The following RGS22 variants were observed in gnomAD, a reference collection of about 807,000 sequenced individuals.
RGS22 encodes the protein regulator of G protein signaling 22.
Under a neutral mutation model 172.9 loss-of-function variants are expected in RGS22, and 148 were observed. The ratio of observed to expected loss-of-function variants is 0.86; its 90% confidence interval spans 0.75 to 0.98. The LOEUF (loss-of-function observed/expected upper bound fraction) is 0.98. Ranked by LOEUF, RGS22 falls within the 50% of genes least tolerant of loss-of-function variation. RGS22 has a pLI of 0.00. For synonymous variants in RGS22, 458 were observed against 480.2 expected, an observed-to-expected ratio of 0.95 and a Z score of 0.60; for missense variants, 1,347 against 1,440.8, an observed-to-expected ratio of 0.93 and a Z score of 1.05.
chr8:99,985,957 C>T (rs1358680182), intron 21 of RGS22, among the ~76,000 whole-genome samples: 1 of 152,078 alleles, frequency 6.6e-6, no homozygotes, highest in African/African-American at 2.4e-5. Context: ...TACCTCCTTT[C>T]TAATCTCAAA....
At chr8:100,011,026 C>T (rs3101324) in intron 14 of RGS22, among the ~76,000 whole-genome samples, 3,438 of 151,480 alleles carry the variant, frequency 0.023, 109 homozygotes, top group East Asian at 0.1. Flanking sequence ...TGATGAAAGA[C>T]GGCCCAAGCA....
At chr8:100,045,337 A>G (rs1316640861) in intron 11 of RGS22, among the ~76,000 whole-genome samples, 1 of 152,142 alleles carries the variant, frequency 6.6e-6, no homozygotes, top group African/African-American at 2.4e-5. Context: ...AACACATACT[A>G]TGTGCCAGAT....
intron 8 of RGS22, among the ~76,000 whole-genome samples, chr8:100,063,045 T>C (rs1045434843): frequency 6.6e-6 from 1 of 151,974 alleles, no homozygotes; most frequent in African/African-American, 2.4e-5. Flanking sequence ...CTAGGGAGAG[T>C]AGGTGTCTAT....
chr8:100,073,362 G>A (rs1036269625), intron 4 of RGS22, among the ~76,000 whole-genome samples: 4 of 151,496 alleles, frequency 2.6e-5, no homozygotes, highest in Non-Finnish European at 5.9e-5. Flanking sequence ...GCTGATACGC[G>A]CAGAAGTCTT....
chr8:100,083,635 G>T (rs1027783012), intron 3 of RGS22, among the ~76,000 whole-genome samples: 1 of 151,796 alleles, frequency 6.6e-6, no homozygotes, highest in Non-Finnish European at 1.5e-5. Flanking sequence ...CAAAGTGCTG[G>T]GATTACAGGC....
chr8:100,057,615 G>A (rs1809750059), intron 9 of RGS22, among the ~76,000 whole-genome samples: 1 of 152,108 alleles, frequency 6.6e-6, no homozygotes, highest in South Asian at 2.1e-4. Flanking sequence ...GAGGTCCCCT[G>A]CACAAGCTGT....
intron 3 of RGS22, chr8:100,093,108 G>A (rs929695399): frequency 6.0e-6 from 1 of 165,624 alleles, no homozygotes; most frequent in Non-Finnish European, 1.3e-5. Context: ...GGGCTGCAGC[G>A]AGCCATGATC....
At chr8:100,069,761 A>C (rs1460337186) in intron 6 of RGS22, among the ~76,000 whole-genome samples, 1 of 152,166 alleles carries the variant, frequency 6.6e-6, no homozygotes, top group African/African-American at 2.4e-5. Flanking sequence ...TTGTCTCTTC[A>C]GACACGAGGA....
chr8:99,967,782 G>A (rs551857804), intron 23 of RGS22, among the ~76,000 whole-genome samples: 1 of 152,318 alleles, frequency 6.6e-6, no homozygotes, highest in South Asian at 2.1e-4. Flanking sequence ...AGCACCTGGG[G>A]GACGGGGTGG....
rs1374358341 is a variant in RGS22 at position 100,052,652 on chromosome 8, G to A, written c.1689+150C>T. 5.9e-5 allele frequency: 43 copies of A among 733,812 alleles called. No individual in the cohort carries two copies. The East Asian group carries it at 1.1e-3, about 19-fold the overall frequency. 45.5% of individuals were successfully genotyped at this position (733,812 alleles called of 1,614,324 possible). On this transcript the variant is annotated intron_variant, in intron 10 of 27. Transcript: ENST00000360863. Reference sequence around the variant, plus strand: ...TTGGCTGCTTGGTAGAGAACAGACTGTAGGTTTTCTTATTTCCTAAATGTT... The same window carrying A: ...TTGGCTGCTTGGTAGAGAACAGACTATAGGTTTTCTTATTTCCTAAATGTT...
intron 9 of RGS22, chr8:100,054,204 T>C (rs1822009159): frequency 6.6e-6 from 1 of 152,220 alleles, no homozygotes; most frequent in East Asian, 1.9e-4. Context: ...CTGCTGCTAA[T>C]TGCTTCTTGG....
In RGS22 at chr8:99,999,379, C is replaced by T; in HGVS notation, c.2832G>A (p.Glu944=). ...CAACTAGAACAGGTGCATCAAGCTG[C>T]TCATGAAGAATCTTCCCCCAGCCAC... ...LSGGWGKILH[E]QLDAPVLVEI... is the part of the protein sequence containing the mutation. The change falls in exon 19 of 28, where the codon GAG becomes GAA. Residue 944 remains glutamate, a synonymous_variant. Transcript: ENST00000360863. 1.2e-6 allele frequency: 2 copies of T among 1,613,938 alleles called. No individual in the cohort carries two copies. The highest frequency in any genetic ancestry group is 1.1e-5 in the South Asian group (1 of 91,056).
At chr8:100,033,878 A>G (rs1353430972) in intron 14 of RGS22, among the ~76,000 whole-genome samples, 1 of 152,244 alleles carries the variant, frequency 6.6e-6, no homozygotes, top group African/African-American at 2.4e-5. Flanking sequence ...TGATTATCTC[A>G]ATAGATGCAG....
chr8:100,098,580 G>A (rs1396789663), intron 2 of RGS22, among the ~76,000 whole-genome samples: 2 of 152,142 alleles, frequency 1.3e-5, no homozygotes. Flanking sequence ...TTCATGCAAT[G>A]AGGAGCAAAA....
intron 22 of RGS22, among the ~76,000 whole-genome samples, chr8:99,979,644 C>T (rs1812335624): frequency 6.6e-6 from 1 of 152,134 alleles, no homozygotes; most frequent in Admixed American, 6.6e-5. Context: ...CTAAAACTGT[C>T]AGCAGTTTTA....
chr8:100,075,882 C>G (rs540751211), intron 4 of RGS22, among the ~76,000 whole-genome samples: 1 of 152,066 alleles, frequency 6.6e-6, no homozygotes, highest in African/African-American at 2.4e-5. Flanking sequence ...TCCTCACAAA[C>G]GTTTGTTATT....
At chr8:100,096,646 T>C (rs1265102661) in intron 2 of RGS22, among the ~76,000 whole-genome samples, 1 of 151,192 alleles carries the variant, frequency 6.6e-6, no homozygotes, top group Admixed American at 6.6e-5. Context: ...CTCTGTCACT[T>C]AGGCGCTTAG....
chr8:100,054,648 T>A (rs993553111), intron 9 of RGS22, among the ~76,000 whole-genome samples: 1 of 152,092 alleles, frequency 6.6e-6, no homozygotes, highest in African/African-American at 2.4e-5. Flanking sequence ...ATATCTCTCC[T>A]GATATGGACA....
At chr8:100,079,464 A>G (rs1811590546) in intron 4 of RGS22, among the ~76,000 whole-genome samples, 1 of 152,214 alleles carries the variant, frequency 6.6e-6, no homozygotes, top group Non-Finnish European at 1.5e-5. Context: ...CTTAAATGTT[A>G]GACATACTTT....
Sources: allele counts gnomAD v4.1 joint callset (sites outside exome capture counted in the v4.1 genomes callset), GRCh38; gene constraint gnomAD v4.1.1; transcripts MANE v1.5; gene names NCBI Gene and HGNC (gene_info 2026-07-23, HGNC 2026-07-21).